The following AGBL1 variants were observed in gnomAD, a reference collection of about 807,000 sequenced individuals.
AGBL1 encodes AGBL carboxypeptidase 1.
Under a neutral mutation model 118.9 loss-of-function variants are expected in AGBL1, and 130 were observed. The ratio of observed to expected loss-of-function variants is 1.09; its 90% confidence interval spans 0.95 to 1.26. The LOEUF (loss-of-function observed/expected upper bound fraction) is 1.26. AGBL1 is among the 50% of genes most tolerant of loss of function. The pLI is 0.00. For missense variants in AGBL1, 1,584 were observed against 1,298.1 expected (o/e 1.22, Z -3.38); for synonymous variants, 555 against 478.9 (o/e 1.16, Z -2.08).
At chr15:86,588,492 C>T (rs1176689991) in intron 21 of AGBL1, among the ~76,000 whole-genome samples, 1 of 152,190 alleles carries the variant, frequency 6.6e-6, no homozygotes, top group Non-Finnish European at 1.5e-5. Context: ...GAAGTAGCTG[C>T]AGGGAGTGCT....
chr15:86,637,375 AAC>A (rs528618619), intron 21 of AGBL1, among the ~76,000 whole-genome samples: 310 of 152,204 alleles, frequency 2.0e-3, no homozygotes, highest in Non-Finnish European at 3.4e-3. Context: ...GGCATAGAGA[AAC>A]ACAAATGAGA....
intron 20 of AGBL1, 60 bp from the exon 21 acceptor site, chr15:86,554,301 A>G: frequency 1.5e-6 from 2 of 1,363,864 alleles, no homozygotes; most frequent in South Asian, 1.4e-5. Context: ...AGCTATTTTT[A>G]TGATGACTAT....
chr15:86,620,507 G>T (rs1410948297), intron 21 of AGBL1, among the ~76,000 whole-genome samples: 1 of 152,126 alleles, frequency 6.6e-6, no homozygotes, highest in Non-Finnish European at 1.5e-5. Context: ...TCTGCATGCT[G>T]ACCTCTCATC....
intron 24 of AGBL1, among the ~76,000 whole-genome samples, chr15:87,028,180 C>T (rs1477419596): frequency 6.6e-6 from 1 of 151,740 alleles, no homozygotes; most frequent in Non-Finnish European, 1.5e-5. Flanking sequence ...TATTGATCAA[C>T]CTCATAATAT....
intron 21 of AGBL1, among the ~76,000 whole-genome samples, chr15:86,663,593 T>C (rs1220146792): frequency 6.6e-6 from 1 of 152,030 alleles, no homozygotes; most frequent in Non-Finnish European, 1.5e-5. Context: ...TGTTGCACAA[T>C]ACTGGGCTTG....
At chr15:86,467,473 C>T (rs1596151009) in intron 18 of AGBL1, among the ~76,000 whole-genome samples, 1 of 152,308 alleles carries the variant, frequency 6.6e-6, no homozygotes, top group East Asian at 1.9e-4. Context: ...CTTTCCAGGG[C>T]AGTGAAAGGT....
At chr15:86,978,501 G>GCT (rs2081197384) in intron 23 of AGBL1, among the ~76,000 whole-genome samples, 4 of 151,862 alleles carry the variant, frequency 2.6e-5, no homozygotes, top group East Asian at 1.9e-4. Context: ...AAGTACTCGT[G>GCT]CAGCCCTACA....
Position 87,007,729 on chromosome 15 carries a change from A to G in AGBL1, c.3323+19641A>G, listed in dbSNP as rs2081519348. Among the ~76,000 whole-genome samples, 2 of 152,216 alleles carry G rather than the reference A, an allele frequency of 1.3e-5. 1 individual carries two copies. The highest frequency in any genetic ancestry group is 4.1e-4 in the South Asian group (2 of 4,838). ...CTCAGTTAGATATGTAAGTGAATCC[A>G]TCACAGGAGCAAATGGGAATGCTGA... On this transcript the variant is annotated intron_variant, in intron 24 of 24. Transcript: ENST00000441037.
At chr15:86,188,008 G>A (rs753623203) in intron 5 of AGBL1, among the ~76,000 whole-genome samples, 1 of 152,180 alleles carries the variant, frequency 6.6e-6, no homozygotes, top group Non-Finnish European at 1.5e-5. Context: ...AAAGATACAA[G>A]TACTTCTAAG....
chr15:86,174,585 T>C (rs1162781057), intron 5 of AGBL1, among the ~76,000 whole-genome samples: 1 of 152,160 alleles, frequency 6.6e-6, no homozygotes, highest in African/African-American at 2.4e-5. Context: ...TAGCTGGGTT[T>C]GTCACATGTG....
At chr15:86,917,069 T>G (rs1315527708), downstream of AGBL1, among the ~76,000 whole-genome samples, 2 of 152,192 alleles carry the variant, frequency 1.3e-5, no homozygotes, top group African/African-American at 4.8e-5. This position sits in a 1 kb window ranked among gnomAD's most constrained non-coding sequence, Gnocchi z 4.8. Flanking sequence ...GAATCTAATT[T>G]GTTTTCATCC....
At chr15:86,905,666 A>C (rs559835004) in intron 22 of AGBL1, among the ~76,000 whole-genome samples, 1 of 152,178 alleles carries the variant, frequency 6.6e-6, no homozygotes, top group African/African-American at 2.4e-5. Flanking sequence ...TTGACATTCT[A>C]TTAGATTAAG....
At chr15:86,662,703 GGC>G (rs2085566014) in intron 21 of AGBL1, among the ~76,000 whole-genome samples, 1 of 152,114 alleles carries the variant, frequency 6.6e-6, no homozygotes, top group African/African-American at 2.4e-5. Flanking sequence ...TTCTGGCTTA[GGC>G]TTCTTATTTT....
chr15:86,746,850 T>C (rs2077764020), intron 22 of AGBL1, among the ~76,000 whole-genome samples: 1 of 152,062 alleles, frequency 6.6e-6, no homozygotes, highest in South Asian at 2.1e-4. Flanking sequence ...AATATAACTA[T>C]AAATTCTGAT....
Position 86,541,299 on chromosome 15 carries a change from A to G in AGBL1, c.2686-4703A>G, listed in dbSNP as rs144204082. ...ATGCAAATTCTTGGGCTCAACCCAGACCTACTTGAATCACAGAATTGCCAG... is the reference window on the plus strand; with the variant it reads ...ATGCAAATTCTTGGGCTCAACCCAGGCCTACTTGAATCACAGAATTGCCAG... On this transcript the variant is annotated intron_variant, in intron 19 of 22. Coordinates refer to ENST00000614907, the MANE Select transcript of AGBL1 (RefSeq NM_001386094.1). Among the ~76,000 whole-genome samples the G allele has an allele frequency of 3.7e-3, 560 of 152,312 alleles. 8 individuals are homozygous for G. Among genetic ancestry groups the G allele is most frequent in the African/African-American group, 0.011 (452 of 41,572 alleles).
At chr15:86,890,358 A>G (rs2080035902) in intron 22 of AGBL1, among the ~76,000 whole-genome samples, 2 of 152,046 alleles carry the variant, frequency 1.3e-5, no homozygotes, top group East Asian at 3.9e-4. Flanking sequence ...ACTCTGATTG[A>G]TAATTGTTTC....
intron 23 of AGBL1, among the ~76,000 whole-genome samples, chr15:86,974,912 TAAA>T (rs2081157846): frequency 6.6e-6 from 1 of 151,952 alleles, no homozygotes; most frequent in Non-Finnish European, 1.5e-5. Flanking sequence ...AGTGGAGATA[TAAA>T]GCAGAATAAT....
chr15:86,686,956 A>G (rs1346869763), intron 22 of AGBL1, among the ~76,000 whole-genome samples: 1 of 152,164 alleles, frequency 6.6e-6, no homozygotes, highest in African/African-American at 2.4e-5. Flanking sequence ...GTTAGACTCT[A>G]AGACCAGAAT....
intron 24 of AGBL1, among the ~76,000 whole-genome samples, chr15:87,026,498 A>G (rs1403374370): frequency 1.3e-5 from 2 of 152,078 alleles, no homozygotes. Flanking sequence ...AAAAAATAGT[A>G]GACGTTGGCA....
Sources: allele counts gnomAD v4.1 joint callset (sites outside exome capture counted in the v4.1 genomes callset), GRCh38; gene constraint gnomAD v4.1.1; non-coding constraint Gnocchi (gnomAD v3.1); transcripts MANE v1.5; gene names NCBI Gene and HGNC (gene_info 2026-07-23, HGNC 2026-07-21).